The following LUC7L variants were observed in gnomAD, a reference collection of about 807,000 sequenced individuals.
LUC7L encodes the protein LUC7 like.
A neutral mutation model predicts 51.1 loss-of-function variants in LUC7L; 29 were observed. The ratio of observed to expected loss-of-function variants is 0.57; its 90% confidence interval spans 0.42 to 0.77. The LOEUF is 0.77. LUC7L is among the 30% of genes least tolerant of loss of function. The probability of loss-of-function intolerance (pLI) is 0.00; values close to 1 mark genes in which losing one functional copy is unlikely to be tolerated. For missense variants in LUC7L, 403 were observed against 511.9 expected (o/e 0.79, Z 2.05); for synonymous variants, 181 against 180.7 (o/e 1.00, Z -0.01).
chr16:189,417 C>A lies in LUC7L; in HGVS notation c.975-78G>T, dbSNP rs879463401. On this transcript the variant is annotated intron_variant, in intron 9 of 9. Transcript: ENST00000293872. Reference sequence around the variant, plus strand: ...GCCGCTCAGGCACTGACGATGGACCCGCAGACCAGGCCAGGCAAGGCCCTA... The same window carrying A: ...GCCGCTCAGGCACTGACGATGGACCAGCAGACCAGGCCAGGCAAGGCCCTA... 2.7e-6 allele frequency: 4 copies of A among 1,509,332 alleles called. No homozygotes were observed. The East Asian group carries it at 6.9e-5, about 26-fold the overall frequency. The allele number at this position is 1,509,332 out of a possible 1,614,324, so 93.5% of individuals were successfully genotyped here.
At chr16:229,056 A>G (rs1421369612) in intron 1 of LUC7L, 3 of 1,418,884 alleles carry the variant, frequency 2.1e-6, no homozygotes, top group Non-Finnish European at 2.8e-6. Flanking sequence ...AGCCCCATCC[A>G]TGGCGCAGAC....
At chr16:222,329 G>GAAAAAAAAAAAAAAAAAAAAAAAAAAAA (rs35172319) in intron 2 of LUC7L, among the ~76,000 whole-genome samples, 2 of 115,892 alleles carry the variant, frequency 1.7e-5, no homozygotes, top group Non-Finnish European at 1.8e-5. Flanking sequence ...TACATAACCA[G>GAAAAAAAAAAAAAAAAAAAAAAAAAAAA]AAAAAAAAAA....
chr16:189,119 T>C lies in LUC7L; in HGVS notation c.*79A>G. ...GAAATTTTAAACTACAAAAGATGAG[T>C]TGTATTCAGCAAATATAAAGGGTAA... On this transcript the variant is annotated 3_prime_UTR_variant, in exon 10 of 10. Coordinates refer to ENST00000293872, the MANE Select transcript of LUC7L (RefSeq NM_201412.3). 1 of 1,412,732 alleles carries C rather than the reference T, an allele frequency of 7.1e-7. No homozygotes were observed. Among genetic ancestry groups the C allele is most frequent in the Non-Finnish European group, 9.7e-7 (1 of 1,032,186 alleles). The allele number at this position is 1,412,732 out of a possible 1,614,324, so 87.5% of individuals were successfully genotyped here. A position where few individuals can be genotyped will look rare whatever the true frequency, so the allele number is the denominator to read the frequency against.
At chr16:203,577 A>G (rs772980429) in intron 5 of LUC7L, among the ~76,000 whole-genome samples, 1 of 152,102 alleles carries the variant, frequency 6.6e-6, no homozygotes, top group Non-Finnish European at 1.5e-5. Flanking sequence ...GCTTGGTGGC[A>G]TGTGCCTTCA....
intron 5 of LUC7L, among the ~76,000 whole-genome samples, chr16:202,562 G>A (rs2049365716): frequency 6.6e-6 from 1 of 152,138 alleles, no homozygotes; most frequent in East Asian, 1.9e-4. Context: ...ACAGTAACAT[G>A]CTGTACAGGT....
At chr16:191,221 C>A (rs1225037346) in intron 7 of LUC7L, among the ~76,000 whole-genome samples, 1 of 152,198 alleles carries the variant, frequency 6.6e-6, no homozygotes, top group Non-Finnish European at 1.5e-5. Flanking sequence ...GACACCAGCA[C>A]AGAATGTGCA....
chr16:189,878 T>C (rs988872855), intron 9 of LUC7L, 90 bp downstream of exon 9: 1 of 1,534,514 alleles, frequency 6.5e-7, no homozygotes, highest in Non-Finnish European at 8.8e-7. Flanking sequence ...CCCAGCCCCA[T>C]CCCCACCAGA....
intron 1 of LUC7L, 71 bp downstream of exon 1, chr16:229,206 CCG>C: frequency 2.7e-6 from 4 of 1,505,150 alleles, no homozygotes; most frequent in Non-Finnish European, 3.5e-6. Context: ...ATCGCGGCCC[CCG>C]CCTCAGGCCG....
chr16:193,946 G>GGCGCCCGGCACT lies in LUC7L; in HGVS notation c.688-943_688-932dup, dbSNP rs1327803673. ...GGCCTCCGGAGTAGCTGGGATTACA[G>GGCGCCCGGCACT]GCGCCCGGCACTGCGCCCGGCTAAT... is the stretch of plus-strand genomic sequence containing the variant. On this transcript the variant is annotated intron_variant, in intron 6 of 9. Coordinates refer to ENST00000293872, the MANE Select transcript of LUC7L (RefSeq NM_201412.3). Among the ~76,000 whole-genome samples, 14 of 151,744 alleles carry GGCGCCCGGCACT rather than the reference G, an allele frequency of 9.2e-5. No individual in the cohort carries two copies. In the East Asian group the frequency reaches 2.6e-3, roughly 28 times the overall value.
chr16:223,047 T>C (rs1427262426), intron 2 of LUC7L, among the ~76,000 whole-genome samples: 1 of 151,208 alleles, frequency 6.6e-6, no homozygotes, highest in Non-Finnish European at 1.5e-5. Flanking sequence ...ACTCTTGGGA[T>C]GCAGTCTCAT....
intron 5 of LUC7L, among the ~76,000 whole-genome samples, chr16:203,077 G>C (rs1007515438): frequency 2.0e-5 from 3 of 152,222 alleles, no homozygotes; most frequent in African/African-American, 7.2e-5. Flanking sequence ...GTTGAACCCA[G>C]GAGTTGGAGG....
chr16:224,927 T>G (rs1278835369), intron 2 of LUC7L, among the ~76,000 whole-genome samples: 1 of 152,184 alleles, frequency 6.6e-6, no homozygotes, highest in Non-Finnish European at 1.5e-5. Flanking sequence ...GAGGATAGGC[T>G]TGGGTTCTAT....
In LUC7L at chr16:229,421, G is replaced by A. The variant is rs1311079107; in HGVS notation, c.-82C>T. The A allele has an allele frequency of 3.9e-6, 5 of 1,285,884 alleles. No homozygotes were observed. In the Admixed American group the frequency reaches 1.2e-4, roughly 30 times the overall value. 79.7% of individuals were successfully genotyped at this position (1,285,884 alleles called of 1,614,324 possible). A position where few individuals can be genotyped will look rare whatever the true frequency, so the allele number is the denominator to read the frequency against. On this transcript the variant is annotated 5_prime_UTR_variant, in exon 1 of 10. Coordinates refer to ENST00000293872, the MANE Select transcript of LUC7L (RefSeq NM_201412.3). ...GCAGCGGCGTCGACAAACGATGGTC[G>A]CGTCGGCCTCGAGCCCACTCGGCTC...
intron 4 of LUC7L, among the ~76,000 whole-genome samples, chr16:206,911 AAAAG>A (rs1267724187): frequency 2.0e-5 from 3 of 151,322 alleles, no homozygotes; most frequent in Non-Finnish European, 4.4e-5. Context: ...AAAAAAAAAA[AAAAG>A]ATGGCTGGGT....
chr16:211,634 TTCCAAAAATTAAG>T (rs2142085451), intron 3 of LUC7L, among the ~76,000 whole-genome samples: 1 of 152,256 alleles, frequency 6.6e-6, no homozygotes, highest in African/African-American at 2.4e-5. Context: ...AGACATTCGA[TTCCAAAAATTAAG>T]TCCTAATCAC....
At position 190,576 on chromosome 16, in the gene LUC7L, A is replaced by AG. The variant is rs754790009; in HGVS notation, c.777-7dup. The stretch of plus-strand genomic sequence containing the variant: ...CTCTGGTTCTTGATCCCGACCTAAA[A>AG]GGGGGAAAAAAAGATGAACAAGGCC... On this transcript the variant is annotated splice_region_variant and splice_polypyrimidine_tract_variant and intron_variant, in intron 7 of 9. Transcript: ENST00000293872. 3 of 1,612,992 alleles carry AG rather than the reference A, an allele frequency of 1.9e-6. No individual in the cohort carries two copies. The highest frequency in any genetic ancestry group is 2.7e-5 in the African/African-American group (2 of 75,024).
intron 3 of LUC7L, among the ~76,000 whole-genome samples, chr16:213,328 A>C (rs1229865121): frequency 1.3e-5 from 2 of 152,120 alleles, no homozygotes; most frequent in Non-Finnish European, 2.9e-5. Context: ...TCCTGGGTAG[A>C]AATGTGCCAG....
chr16:204,941 C>A (rs926712218), intron 5 of LUC7L, among the ~76,000 whole-genome samples: 2 of 152,110 alleles, frequency 1.3e-5, no homozygotes, highest in African/African-American at 2.4e-5. Flanking sequence ...TAGGAATGTA[C>A]TGGAGAGGTG....
intron 3 of LUC7L, among the ~76,000 whole-genome samples, chr16:215,368 C>G (rs1172745608): frequency 6.6e-6 from 1 of 152,016 alleles, no homozygotes; most frequent in Non-Finnish European, 1.5e-5. Flanking sequence ...CACCTGTAAT[C>G]CCAGCACTTT....
Sources: gnomAD v4.1 joint callset for allele counts (sites outside exome capture counted in the v4.1 genomes callset) on GRCh38, gnomAD v4.1.1 for gene constraint, MANE v1.5 for transcripts, NCBI Gene and HGNC (gene_info 2026-07-23, HGNC 2026-07-21) for gene names.